Variants in SWT1 observed in about 807,000 individuals in gnomAD.
SWT1 encodes SWT1 RNA endoribonuclease homolog.
In SWT1, 33 loss-of-function variants were observed where a neutral mutation model predicts 107.3. That is an observed-to-expected ratio of 0.31 (90% CI 0.23 to 0.41). The LOEUF (loss-of-function observed/expected upper bound fraction) is 0.41. Among genes scored for constraint, SWT1 ranks in the 10% least tolerant of loss-of-function variants. The pLI, the probability that SWT1 is intolerant of heterozygous loss-of-function variation, is 1.00. For missense variants in SWT1, 898 were observed against 1,028.9 expected, an observed-to-expected ratio of 0.87 and a Z score of 1.74; for synonymous variants, 345 against 348.3, an observed-to-expected ratio of 0.99 and a Z score of 0.11.
intron 16 of SWT1, among the ~76,000 whole-genome samples, chr1:185,251,982 C>A (rs1199067843): frequency 6.7e-6 from 1 of 149,984 alleles, no homozygotes; most frequent in African/African-American, 2.4e-5. Flanking sequence ...GTGTGATATT[C>A]CCCTTCCTGT....
At chr1:185,176,527 A>G (rs1655574396) in intron 5 of SWT1, 2 of 965,978 alleles carry the variant, frequency 2.1e-6, no homozygotes, top group South Asian at 4.8e-5. Context: ...CTACTTTGAG[A>G]ACCTAATCTC....
At chr1:185,242,578 C>T (rs377202252) in intron 16 of SWT1, among the ~76,000 whole-genome samples, 17 of 152,194 alleles carry the variant, frequency 1.1e-4, no homozygotes, top group African/African-American at 4.1e-4. Context: ...TGTTAGTGTT[C>T]CCTTGGCCAG....
At chr1:185,264,522 G>A in intron 16 of SWT1, 3 of 930,418 alleles carry the variant, frequency 3.2e-6, no homozygotes, top group Non-Finnish European at 2.6e-6. Context: ...ATTGGGCCAA[G>A]AATTTTTCCA....
rs201042311 is a variant in SWT1, at chr1:185,184,258, A to G, written c.1154A>G (p.Asp385Gly). 6.5e-7 allele frequency: 1 copy of G among 1,545,788 alleles called. No individual in the cohort carries two copies. Among genetic ancestry groups the G allele is most frequent in the South Asian group, 1.2e-5 (1 of 84,152 alleles). Residue 385 changes from aspartate to glycine, a missense_variant, in exon 8 of 19, where the codon GAC (aspartate) becomes GGC (glycine). Around this residue, in one of 6 missense-constraint regions of SWT1, gnomAD observed 94 missense variants for 114.5 expected, o/e 0.82. Transcript: ENST00000367500. ...TTTTCTTTAGCAAATAATACTTCAGACAGAAAGCTTCTAATTGTTATTGAC... is the reference window on the plus strand; with the variant it reads ...TTTTCTTTAGCAAATAATACTTCAGGCAGAAAGCTTCTAATTGTTATTGAC... ...VHSSSANNTS[D>G]RKLLIVIDTN...
intron 9 of SWT1, among the ~76,000 whole-genome samples, chr1:185,188,298 T>C (rs1411143288): frequency 1.3e-5 from 2 of 152,236 alleles, no homozygotes; most frequent in African/African-American, 4.8e-5. Context: ...GAAAAAGTGG[T>C]ATTACTGATA....
intron 4 of SWT1, among the ~76,000 whole-genome samples, chr1:185,173,030 G>A (rs1472137815): frequency 7.9e-6 from 1 of 126,770 alleles, no homozygotes; most frequent in Non-Finnish European, 1.6e-5. Flanking sequence ...GCGACAAAGC[G>A]AGACTCCGTC....
At chr1:185,211,072 G>A (rs1316301033) in intron 13 of SWT1, among the ~76,000 whole-genome samples, 1 of 152,170 alleles carries the variant, frequency 6.6e-6, no homozygotes, top group African/African-American at 2.4e-5. Flanking sequence ...AACATTCCAT[G>A]CTCATGGATA....
At chr1:185,221,530 C>T (rs1199017748) in intron 14 of SWT1, among the ~76,000 whole-genome samples, 1 of 152,002 alleles carries the variant, frequency 6.6e-6, no homozygotes, top group Non-Finnish European at 1.5e-5. Flanking sequence ...TACCTCTATA[C>T]TTTGTATTCT....
At chr1:185,239,994 A>G (rs1317351967) in intron 16 of SWT1, among the ~76,000 whole-genome samples, 1 of 152,072 alleles carries the variant, frequency 6.6e-6, no homozygotes, top group Non-Finnish European at 1.5e-5. Context: ...AGTTAACTAA[A>G]CAGGTCATGT....
intron 16 of SWT1, among the ~76,000 whole-genome samples, chr1:185,265,778 T>C (rs1229877460): frequency 2.0e-5 from 3 of 152,242 alleles, no homozygotes; most frequent in African/African-American, 7.2e-5. Flanking sequence ...GATTTTGTTA[T>C]CCTCAATAAC....
rs550199996 is a variant in SWT1, at chr1:185,177,064, C to T, written c.966+1951C>T. Reference sequence around the variant, plus strand: ...AATGGAGGAATTATAACTAAGGAGGCCAGAAGAGCTTGGGAATTAGTATTT... The same window carrying T: ...AATGGAGGAATTATAACTAAGGAGGTCAGAAGAGCTTGGGAATTAGTATTT... On this transcript the variant is annotated intron_variant, in intron 5 of 18. Transcript: ENST00000367500. 6.1e-6 allele frequency: 6 copies of T among 980,938 alleles called. No homozygotes were observed. The African/African-American group carries it at 7.0e-5, about 11-fold the overall frequency. 60.8% of individuals were successfully genotyped at this position (980,938 alleles called of 1,614,324 possible).
chr1:185,171,547 T>C, intron 4 of SWT1: 1 of 413,452 alleles, frequency 2.4e-6, no homozygotes, highest in East Asian at 6.9e-5. Flanking sequence ...CCAATGACAT[T>C]CCTAGCTTTT....
At chr1:185,162,259 A>G (rs1654213840) in intron 2 of SWT1, among the ~76,000 whole-genome samples, 1 of 152,324 alleles carries the variant, frequency 6.6e-6, no homozygotes, top group South Asian at 2.1e-4. Flanking sequence ...CGTAACTCCT[A>G]TAGCAGTGGT....
chr1:185,272,481 CTTTG>C (rs1265963046), intron 17 of SWT1, among the ~76,000 whole-genome samples: 7 of 152,092 alleles, frequency 4.6e-5, no homozygotes, highest in African/African-American at 1.7e-4. Flanking sequence ...CTGGTTAGCT[CTTTG>C]TTTAACTTTC....
In SWT1 at chr1:185,168,338, A is replaced by G. The variant is rs758889376; in HGVS notation, c.166-2A>G. On this transcript the variant is annotated splice_acceptor_variant, in intron 3 of 18. Coordinates refer to ENST00000367500, the MANE Select transcript of SWT1 (RefSeq NM_017673.7). LOFTEE classifies it high-confidence loss of function. ...TATGTGTCCTTTTTTTATTTATTTC[A>G]GAAATCAGATCATACAGATGTTCTG... is the stretch of plus-strand genomic sequence containing the variant. The G allele has an allele frequency of 1.1e-6, 1 of 933,446 alleles. No individual in the cohort carries two copies. The highest frequency in any genetic ancestry group is 3.6e-5 in the East Asian group (1 of 27,570). 57.8% of individuals were successfully genotyped at this position (933,446 alleles called of 1,614,324 possible). A position where few individuals can be genotyped will look rare whatever the true frequency, so the allele number is the denominator to read the frequency against.
At position 185,277,897 on chromosome 1, in the gene SWT1, C is replaced by T. The variant is rs972378529; in HGVS notation, c.2573+1229C>T. On this transcript the variant is annotated intron_variant, in intron 18 of 18. Coordinates refer to ENST00000367500, the MANE Select transcript of SWT1 (RefSeq NM_017673.7). Reference sequence around the variant, plus strand: ...GATTTTTGAACTTAAATGTATCACACTATATACTTTTTTTTCCAAAATGAT... The same window carrying T: ...GATTTTTGAACTTAAATGTATCACATTATATACTTTTTTTTCCAAAATGAT... Among the ~76,000 whole-genome samples the T allele has an allele frequency of 4.6e-5, 7 of 151,932 alleles. No individual in the cohort carries two copies. The South Asian group carries it at 1.4e-3, about 31-fold the overall frequency.
At chr1:185,204,940 T>G in intron 12 of SWT1, 77 bp downstream of exon 12, 1 of 812,656 alleles carries the variant, frequency 1.2e-6, no homozygotes, top group East Asian at 3.0e-5. Flanking sequence ...ATATTACTTG[T>G]ATAAAATGCA....
chr1:185,235,207 C>T (rs1571578555), intron 16 of SWT1, among the ~76,000 whole-genome samples: 1 of 152,170 alleles, frequency 6.6e-6, no homozygotes, highest in African/African-American at 2.4e-5. Context: ...CTCCCTAATG[C>T]ATTTTATGAG....
At chr1:185,176,372 T>C (rs897211140) in intron 5 of SWT1, among the ~76,000 whole-genome samples, 2 of 150,908 alleles carry the variant, frequency 1.3e-5, no homozygotes, top group Non-Finnish European at 2.9e-5. Flanking sequence ...TGAGTCGAAG[T>C]TACTTAAGTG....
Sources: allele counts gnomAD v4.1 joint callset (sites outside exome capture counted in the v4.1 genomes callset), GRCh38; gene constraint gnomAD v4.1.1; regional missense constraint gnomAD v4.1.1; transcripts MANE v1.5; gene names NCBI Gene and HGNC (gene_info 2026-07-23, HGNC 2026-07-21).